Variants in GSE1 observed in about 807,000 individuals in gnomAD.
The protein encoded by GSE1 is genetic suppressor element 1.
GSE1 carries 32 observed loss-of-function variants against 112.6 expected under a neutral mutation model. The ratio of observed to expected loss-of-function variants is 0.28; its 90% CI spans 0.21 to 0.38. The LOEUF (loss-of-function observed/expected upper bound fraction) is 0.38, where lower values mean the gene tolerates loss of function less well. Ranked by LOEUF, GSE1 falls within the 10% of genes least tolerant of loss-of-function variation. GSE1 has a pLI of 1.00. For missense variants in GSE1, 2,348 were observed against 1,699.2 expected, an observed-to-expected ratio of 1.38 and a Z score of -6.71; for synonymous variants, 1,115 against 735.6, an observed-to-expected ratio of 1.52 and a Z score of -8.35.
rs549095222 is a variant in GSE1 at position 85,466,137 on chromosome 16, G to A, written c.2464+108494G>A. 2.0e-5 allele frequency among the ~76,000 whole-genome samples: 3 copies of A among 152,320 alleles called. No individual in the cohort carries two copies. The East Asian group carries it at 5.8e-4, about 29-fold the overall frequency. On this transcript the variant is annotated intron_variant, in intron 2 of 2. Transcript: ENST00000637419. ...TGTGAGAACACGGGCACTTTGAGTG[G>A]AACACGTGGTCAGTGTTGAAAGGAC...
chr16:85,393,515 C>T (rs762628770), intron 2 of GSE1, among the ~76,000 whole-genome samples: 3 of 152,232 alleles, frequency 2.0e-5, no homozygotes, highest in Admixed American at 2.0e-4. Context: ...CTCATATTGA[C>T]ACCATCCCTG....
Position 85,661,655 on chromosome 16 carries a change from CA to C in GSE1, c.2151del (p.Arg718GlyfsTer76). The C allele has an allele frequency of 6.2e-7, 1 of 1,611,158 alleles. No homozygotes were observed. ...KPGSPYRPPV[P>X]RAPDPAYIYD... ...GGCTCGCCCTACCGGCCCCCAGTGC[CA>C]CGGGCCCCCGACCCTGCCTACATCT... On this transcript the variant is annotated frameshift_variant, in exon 9 of 16. Transcript: ENST00000253458. LOFTEE classifies it high-confidence loss of function.
chr16:85,395,102 G>A (rs935310960), intron 2 of GSE1, among the ~76,000 whole-genome samples: 5 of 152,194 alleles, frequency 3.3e-5, no homozygotes, highest in African/African-American at 1.2e-4. Context: ...GAGGTTGTAG[G>A]CTGCAGCCAC....
At chr16:85,199,773 A>C (rs1249349185) in intron 1 of GSE1, among the ~76,000 whole-genome samples, 1 of 152,130 alleles carries the variant, frequency 6.6e-6, no homozygotes, top group South Asian at 2.1e-4. Context: ...GCCACACAGC[A>C]GGGAACGGTT....
intron 2 of GSE1, among the ~76,000 whole-genome samples, chr16:85,429,298 A>G (rs1432642308): frequency 6.6e-6 from 1 of 152,206 alleles, no homozygotes; most frequent in Non-Finnish European, 1.5e-5. Context: ...CATCACTGGC[A>G]TGTTCTGCCA....
chr16:85,369,201 A>G (rs963124263), intron 2 of GSE1, among the ~76,000 whole-genome samples: 3 of 146,066 alleles, frequency 2.1e-5, no homozygotes, highest in Non-Finnish European at 4.5e-5. Context: ...CATCTCCTAC[A>G]TCATTCTGAC....
chr16:85,574,976 C>T (rs2046162394), intron 1 of GSE1, among the ~76,000 whole-genome samples: 1 of 152,220 alleles, frequency 6.6e-6, no homozygotes, highest in Non-Finnish European at 1.5e-5. Context: ...GGCCGGGCAG[C>T]CCCCTTGCCC....
intron 2 of GSE1, among the ~76,000 whole-genome samples, chr16:85,359,788 A>C (rs1393404597): frequency 1.3e-5 from 2 of 152,106 alleles, no homozygotes; most frequent in African/African-American, 4.8e-5. Flanking sequence ...CCCTCGGCAC[A>C]CCAGGCTGCT....
intron 1 of GSE1, among the ~76,000 whole-genome samples, chr16:85,249,031 A>G (rs1906170042): frequency 6.6e-6 from 1 of 152,188 alleles, no homozygotes; most frequent in Admixed American, 6.5e-5. Flanking sequence ...CTCCCAGGCG[A>G]TGTCTTCAGC....
chr16:85,179,002 G>A (rs1222396564), intron 1 of GSE1, among the ~76,000 whole-genome samples: 1 of 152,118 alleles, frequency 6.6e-6, no homozygotes, highest in East Asian at 1.9e-4. Context: ...TGTTTTAATT[G>A]TGATACAATT....
intron 1 of GSE1, among the ~76,000 whole-genome samples, chr16:85,318,345 C>T (rs961023514): frequency 6.6e-6 from 1 of 152,174 alleles, no homozygotes; most frequent in Non-Finnish European, 1.5e-5. Flanking sequence ...CTCAGTGCAG[C>T]CTCAACCTCC....
intron 2 of GSE1, among the ~76,000 whole-genome samples, chr16:85,425,109 C>G (rs773717522): frequency 3.3e-5 from 5 of 152,222 alleles, no homozygotes; most frequent in Non-Finnish European, 7.4e-5. Flanking sequence ...CCTGGGCGCC[C>G]TGGGGCGGGG....
chr16:85,186,263 A>C (rs1178950401), intron 1 of GSE1, among the ~76,000 whole-genome samples: 1 of 152,148 alleles, frequency 6.6e-6, no homozygotes, highest in Non-Finnish European at 1.5e-5. Context: ...TGAGCCCAGG[A>C]GCTCGAGACC....
At chr16:85,529,014 A>G (rs898545451) in intron 2 of GSE1, among the ~76,000 whole-genome samples, 11 of 152,188 alleles carry the variant, frequency 7.2e-5, no homozygotes, top group Admixed American at 1.3e-4. Context: ...TTCTGGGCAG[A>G]GGCACCCTCA....
At chr16:85,320,160 C>A (rs1187777925) in intron 1 of GSE1, among the ~76,000 whole-genome samples, 1 of 152,230 alleles carries the variant, frequency 6.6e-6, no homozygotes, top group South Asian at 2.1e-4. Flanking sequence ...GTTCTTGGGG[C>A]CAAGGGCCTC....
At chr16:85,515,556 G>A (rs1469339596) in intron 2 of GSE1, among the ~76,000 whole-genome samples, 1 of 151,894 alleles carries the variant, frequency 6.6e-6, no homozygotes, top group Non-Finnish European at 1.5e-5. Context: ...CCTGGCCTGT[G>A]TCCTCTGAGG....
At chr16:85,431,098 G>A (rs947902474) in intron 2 of GSE1, among the ~76,000 whole-genome samples, 40 of 152,186 alleles carry the variant, frequency 2.6e-4, no homozygotes, top group African/African-American at 9.2e-4. Flanking sequence ...CTCACATCCT[G>A]GATTCAAGCC....
chr16:85,643,465 C>T (rs898156296), intron 2 of GSE1, among the ~76,000 whole-genome samples: 1 of 152,170 alleles, frequency 6.6e-6, no homozygotes, highest in African/African-American at 2.4e-5. Flanking sequence ...AAGCTCCCCA[C>T]CCTTCACCCA....
At chr16:85,280,989 G>A (rs1026347002) in intron 1 of GSE1, among the ~76,000 whole-genome samples, 3 of 152,160 alleles carry the variant, frequency 2.0e-5, no homozygotes, top group African/African-American at 4.8e-5. Context: ...TGCCTGGGCC[G>A]GTCAGAGCTG....
Sources: gnomAD v4.1 joint callset for allele counts (sites outside exome capture counted in the v4.1 genomes callset) on GRCh38, gnomAD v4.1.1 for gene constraint, MANE v1.5 for transcripts, NCBI Gene and HGNC (gene_info 2026-07-23, HGNC 2026-07-21) for gene names.